ADCK5: variants seen among roughly 807,000 people sequenced by gnomAD.
The protein encoded by ADCK5 is aarF domain containing kinase 5.
Under a neutral mutation model 64.9 loss-of-function variants are expected in ADCK5, and 43 were observed. The observed-to-expected ratio is 0.66, with a 90% CI of 0.52 to 0.85. The LOEUF is 0.85. Ranked by LOEUF, ADCK5 falls within the 40% of genes least tolerant of loss-of-function variation. The pLI, the probability that ADCK5 is intolerant of heterozygous loss-of-function variation, is 0.00. For synonymous variants in ADCK5, 434 were observed against 342.8 expected, an observed-to-expected ratio of 1.27 and a Z score of -2.94; for missense variants, 760 against 810.5, an observed-to-expected ratio of 0.94 and a Z score of 0.76.
chr8:144,375,387 T>C, intron 1 of ADCK5: 4 of 892,428 alleles, frequency 4.5e-6, no homozygotes, highest in Non-Finnish European at 5.4e-6. Flanking sequence ...GACAATTATG[T>C]GCCTCAGTTT....
chr8:144,392,741 TG>T, intron 13 of ADCK5, 34 bp from the exon 14 acceptor site: 1 of 1,586,380 alleles, frequency 6.3e-7, no homozygotes. Flanking sequence ...GGGGCTGGTG[TG>T]GGGCTGACGC....
chr8:144,374,142 C>T (rs782505446), intron 1 of ADCK5, 35 bp downstream of exon 1: 5 of 1,248,240 alleles, frequency 4.0e-6, no homozygotes, highest in Non-Finnish European at 4.0e-6. Flanking sequence ...GCCCGAGATC[C>T]TGCACACCAG....
chr8:144,375,489 G>C (rs180876327), intron 1 of ADCK5: 2 of 985,326 alleles, frequency 2.0e-6, no homozygotes, highest in East Asian at 1.1e-4. Flanking sequence ...TCTGAGACTC[G>C]GCAGTTGCTT....
At chr8:144,381,207 C>T (rs2116846923) in intron 2 of ADCK5, among the ~76,000 whole-genome samples, 72 of 42,702 alleles carry the variant, frequency 1.7e-3, no homozygotes, top group East Asian at 4.3e-3. Context: ...GATTATGGGC[C>T]GGGTGTAGAA....
At chr8:144,386,826 C>G (rs1234424465) in intron 3 of ADCK5, among the ~76,000 whole-genome samples, 1 of 152,216 alleles carries the variant, frequency 6.6e-6, no homozygotes, top group Non-Finnish European at 1.5e-5. Flanking sequence ...AGCATAAGCC[C>G]TCAGGGCCAC....
chr8:144,383,628 G>A (rs1423096175), intron 3 of ADCK5, among the ~76,000 whole-genome samples: 1 of 152,196 alleles, frequency 6.6e-6, no homozygotes, highest in Non-Finnish European at 1.5e-5. Flanking sequence ...CCAAGGTTTG[G>A]GCCTGGGAGA....
intron 1 of ADCK5, among the ~76,000 whole-genome samples, chr8:144,374,942 A>T (rs1819306580): frequency 6.6e-6 from 1 of 152,218 alleles, no homozygotes; most frequent in African/African-American, 2.4e-5. Context: ...CCCTTCCAGA[A>T]GAGATGAAGG....
intron 2 of ADCK5, among the ~76,000 whole-genome samples, chr8:144,382,719 G>T (rs1011861997): frequency 1.3e-5 from 2 of 152,206 alleles, no homozygotes; most frequent in East Asian, 3.8e-4. Context: ...CGAGGTGGAC[G>T]GTGGTTGTGA....
chr8:144,392,257 C>T lies in ADCK5; in HGVS notation c.1179C>T (p.Asp393=). 1 of 1,532,016 alleles carries T rather than the reference C, an allele frequency of 6.5e-7. No homozygotes were observed. The highest frequency in any genetic ancestry group is 8.8e-7 in the Non-Finnish European group (1 of 1,142,592). The allele number at this position is 1,532,016 out of a possible 1,614,324, so 94.9% of individuals were successfully genotyped here. A position where few individuals can be genotyped will look rare whatever the true frequency, so the allele number is the denominator to read the frequency against. Residue 393 remains aspartate (D), a synonymous_variant, in exon 12 of 15, where the codon GAC becomes GAT. Transcript: ENST00000308860. ...CTGCGGGCCCATCCACACCCAGGGA[C>T]CGCGCAGCCCTCTGCCAGCTGTGGC... The part of the protein sequence containing the change: ...HGLYQFLEEK[D]RAALCQLWRA...
chr8:144,386,296 G>C (rs559501490), intron 3 of ADCK5, among the ~76,000 whole-genome samples: 1 of 151,652 alleles, frequency 6.6e-6, no homozygotes, highest in Admixed American at 6.6e-5. Flanking sequence ...ACAGGTGTGA[G>C]CTATCATACC....
At chr8:144,388,787 A>G (rs1820064636) in intron 3 of ADCK5, among the ~76,000 whole-genome samples, 1 of 151,912 alleles carries the variant, frequency 6.6e-6, no homozygotes, top group Admixed American at 6.6e-5. Flanking sequence ...AAGAAACCGA[A>G]ACCCTGGCCT....
chr8:144,389,144 T>C (rs1432887279), intron 3 of ADCK5: 1 of 402,910 alleles, frequency 2.5e-6, no homozygotes. Flanking sequence ...GGGCCAGGCC[T>C]GGGGACACCC....
chr8:144,388,201 T>A (rs1586590013), intron 3 of ADCK5, among the ~76,000 whole-genome samples: 1 of 148,960 alleles, frequency 6.7e-6, no homozygotes, highest in Non-Finnish European at 1.5e-5. Flanking sequence ...CTACTAAAGA[T>A]AGAAAAATTA....
At chr8:144,392,748 G>A in intron 13 of ADCK5, 28 bp from the exon 14 acceptor site, 1 of 1,586,600 alleles carries the variant, frequency 6.3e-7, no homozygotes, top group South Asian at 1.1e-5. Flanking sequence ...GTGTGGGGCT[G>A]ACGCGGCGCT....
At position 144,392,550 on chromosome 8, in the gene ADCK5, T is replaced by C. The variant is rs1338778876; in HGVS notation, c.1373T>C (p.Met458Thr). ...GAAGAGGCGGCCTACATGGTGGACA[T>C]GGCCCGCGAGCGCTTCGAGGCCGTC... The part of the protein sequence containing the change: ...SREEAAYMVD[M>T]ARERFEAVMA... The change falls in exon 13 of 15, where the codon ATG becomes ACG. Residue 458 changes from methionine (M) to threonine (T), a missense_variant. Physicochemically the swap from Met to Thr is moderately conservative, Grantham distance 81. Coordinates refer to ENST00000308860, the MANE Select transcript of ADCK5 (RefSeq NM_174922.5). 9 of 1,565,004 alleles carry C rather than the reference T, an allele frequency of 5.8e-6. No homozygotes were observed. The highest frequency in any genetic ancestry group is 7.7e-6 in the Non-Finnish European group (9 of 1,161,492).
At chr8:144,377,699 T>A (rs1819424011) in intron 1 of ADCK5, among the ~76,000 whole-genome samples, 1 of 152,188 alleles carries the variant, frequency 6.6e-6, no homozygotes, top group Admixed American at 6.5e-5. Context: ...CCTCTTCTCC[T>A]CCAAGTAAAA....
At chr8:144,383,886 C>CTT (rs35307889) in intron 3 of ADCK5, among the ~76,000 whole-genome samples, 23 of 64,866 alleles carry the variant, frequency 3.5e-4, no homozygotes, top group Middle Eastern at 0.013. Context: ...GCCCAAAGCC[C>CTT]TTTTTTTTTT....
chr8:144,375,488 CG>C (rs1819326151), intron 1 of ADCK5: 1 of 985,354 alleles, frequency 1.0e-6, no homozygotes, highest in African/African-American at 1.7e-5. Flanking sequence ...TTCTGAGACT[CG>C]GCAGTTGCTT....
At chr8:144,377,008 C>T (rs35817095) in intron 1 of ADCK5, among the ~76,000 whole-genome samples, 53,846 of 152,198 alleles carry the variant, frequency 0.35, 10,228 homozygotes, top group East Asian at 0.64. Context: ...AAATTTTCTC[C>T]AGGGCTCTGA....
Sources: allele counts gnomAD v4.1 joint callset (sites outside exome capture counted in the v4.1 genomes callset), GRCh38; gene constraint gnomAD v4.1.1; transcripts MANE v1.5; gene names NCBI Gene and HGNC (gene_info 2026-07-23, HGNC 2026-07-21).